HPSE2: variants seen among roughly 807,000 people sequenced by gnomAD.
The protein encoded by HPSE2 is heparanase 2 (inactive), also known as inactive heparanase-2.
In HPSE2, 38 loss-of-function variants were observed where a neutral mutation model predicts 60.5. The observed-to-expected ratio is 0.63, with a 90% CI of 0.48 to 0.82. The LOEUF is 0.82. Among genes scored for constraint, HPSE2 ranks in the 40% least tolerant of loss-of-function variants. HPSE2 has a pLI of 0.00. For missense variants in HPSE2, 713 were observed against 740.4 expected (o/e 0.96, Z 0.43); for synonymous variants, 295 against 293.2 (o/e 1.01, Z -0.06).
intron 3 of HPSE2, among the ~76,000 whole-genome samples, chr10:99,029,766 C>G (rs1185103143): frequency 6.6e-6 from 1 of 152,222 alleles, no homozygotes; most frequent in East Asian, 1.9e-4. Context: ...CACAGCATCA[C>G]AGGGAGACGG....
intron 7 of HPSE2, among the ~76,000 whole-genome samples, chr10:98,628,305 A>G (rs1056921371): frequency 1.3e-5 from 2 of 152,140 alleles, no homozygotes. Context: ...AGAAGAGGAG[A>G]GAAAAAAATT....
intron 6 of HPSE2, among the ~76,000 whole-genome samples, chr10:98,692,551 G>A (rs957207462): frequency 1.3e-5 from 2 of 151,976 alleles, no homozygotes; most frequent in East Asian, 1.9e-4. Flanking sequence ...GGTGGATCAC[G>A]AGGTCAGGAG....
chr10:99,071,147 G>A (rs953571017), intron 3 of HPSE2, among the ~76,000 whole-genome samples: 2 of 147,318 alleles, frequency 1.4e-5, no homozygotes, highest in African/African-American at 5.0e-5. Flanking sequence ...TCGGCTCACT[G>A]CAACCTCTGC....
chr10:98,630,135 G>T (rs1946321482), intron 7 of HPSE2, among the ~76,000 whole-genome samples: 1 of 150,596 alleles, frequency 6.6e-6, no homozygotes, highest in African/African-American at 2.4e-5. Flanking sequence ...AAGACCTATG[G>T]TTCACTACAA....
At chr10:98,566,644 C>T (rs1218795790) in intron 9 of HPSE2, among the ~76,000 whole-genome samples, 1 of 152,178 alleles carries the variant, frequency 6.6e-6, no homozygotes, top group African/African-American at 2.4e-5. Context: ...CAACATCAGG[C>T]CATCAGTAAC....
intron 3 of HPSE2, among the ~76,000 whole-genome samples, chr10:98,860,166 TTC>T (rs1438412896): frequency 6.6e-6 from 1 of 152,190 alleles, no homozygotes; most frequent in African/African-American, 2.4e-5. Flanking sequence ...TCCCTATTTA[TTC>T]TGTTTCCCTG....
chr10:99,177,987 C>A (rs1241768762), intron 2 of HPSE2, among the ~76,000 whole-genome samples: 1 of 152,020 alleles, frequency 6.6e-6, no homozygotes, highest in Non-Finnish European at 1.5e-5. Context: ...CATACAACTA[C>A]ATGGAAAATG....
chr10:98,461,315 C>A (rs180733420), intron 11 of HPSE2, among the ~76,000 whole-genome samples: 1 of 152,340 alleles, frequency 6.6e-6, no homozygotes, highest in East Asian at 1.9e-4. Context: ...AGGGAGCAGG[C>A]CCCCTCCCTT....
chr10:98,979,364 GA>G (rs1318896201), intron 3 of HPSE2, among the ~76,000 whole-genome samples: 3 of 152,118 alleles, frequency 2.0e-5, no homozygotes, highest in African/African-American at 7.2e-5. Flanking sequence ...TGGAAAAGAT[GA>G]AAAAGTGGCT....
At chr10:98,590,948 G>A (rs1281992493) in intron 9 of HPSE2, among the ~76,000 whole-genome samples, 1 of 152,134 alleles carries the variant, frequency 6.6e-6, no homozygotes, top group Non-Finnish European at 1.5e-5. Flanking sequence ...TAGTGTTGTT[G>A]TGAGCATTAA....
chr10:99,132,191 A>AGAGAGAGAGAGAGAGAGAG (rs1845434112), intron 3 of HPSE2, among the ~76,000 whole-genome samples: 2 of 71,906 alleles, frequency 2.8e-5, no homozygotes, highest in East Asian at 5.9e-4. Context: ...GAAAGAAAGA[A>AGAGAGAGAGAGAGAGAGAG]AGAGAGAGAG....
At chr10:99,306,706 G>A in the HPSE2 span, among the ~76,000 whole-genome samples, 8 of 152,014 alleles carry the variant, frequency 5.3e-5, no homozygotes, top group African/African-American at 1.9e-4. Context: ...TTGTTTTTTT[G>A]TTTGTTTGTT....
chr10:98,711,332 C>G (rs766120237), intron 5 of HPSE2, among the ~76,000 whole-genome samples: 11 of 152,102 alleles, frequency 7.2e-5, no homozygotes, highest in Non-Finnish European at 1.2e-4. Context: ...CAAACTTTTT[C>G]TTTTGGAGCT....
chr10:98,610,407 A>G (rs1945720956), intron 9 of HPSE2, among the ~76,000 whole-genome samples: 1 of 152,180 alleles, frequency 6.6e-6, no homozygotes, highest in Admixed American at 6.5e-5. Context: ...TGACATCTGA[A>G]CAGCGATGGC....
chr10:99,041,055 C>G (rs1297290453), intron 3 of HPSE2, among the ~76,000 whole-genome samples: 1 of 151,788 alleles, frequency 6.6e-6, no homozygotes, highest in Non-Finnish European at 1.5e-5. Context: ...CCACTTCACT[C>G]CAGCCTGAGT....
chr10:98,560,408 C>G (rs1333774820), intron 9 of HPSE2, among the ~76,000 whole-genome samples: 1 of 152,218 alleles, frequency 6.6e-6, no homozygotes, highest in Non-Finnish European at 1.5e-5. Flanking sequence ...AGGCGCAAAG[C>G]CACACAGTAC....
chr10:98,840,123 A>G lies in HPSE2; in HGVS notation c.611-96067T>C, dbSNP rs541051632. ...TTGTCTTGTTTTATGTCCATTGTTC[A>G]TTTCAGTAAATGAACTATTTTTTAA... On this transcript the variant is annotated intron_variant, in intron 3 of 11. Coordinates refer to ENST00000370552, the MANE Select transcript of HPSE2 (RefSeq NM_021828.5). 2.6e-5 allele frequency among the ~76,000 whole-genome samples: 4 copies of G among 152,270 alleles called. No homozygotes were observed. The East Asian group carries it at 7.7e-4, about 29-fold the overall frequency.
chr10:98,954,376 G>C (rs1955451263), intron 3 of HPSE2, among the ~76,000 whole-genome samples: 1 of 152,076 alleles, frequency 6.6e-6, no homozygotes, highest in Non-Finnish European at 1.5e-5. Flanking sequence ...AAAGTGAGGG[G>C]AAGTCCTAAA....
At chr10:99,197,618 T>A (rs1848445880) in intron 2 of HPSE2, among the ~76,000 whole-genome samples, 1 of 152,162 alleles carries the variant, frequency 6.6e-6, no homozygotes, top group East Asian at 1.9e-4. Context: ...GCGAAGCACT[T>A]AGCAAATAGT....
Sources: gnomAD v4.1 joint callset for allele counts (sites outside exome capture counted in the v4.1 genomes callset) on GRCh38, gnomAD v4.1.1 for gene constraint, MANE v1.5 for transcripts, NCBI Gene and HGNC (gene_info 2026-07-23, HGNC 2026-07-21) for gene names.